The following RANBP2 variants were observed in gnomAD, a reference collection of about 807,000 sequenced individuals.
RANBP2 encodes E3 SUMO-protein ligase RanBP2.
A neutral mutation model predicts 303.6 loss-of-function variants in RANBP2; 57 were observed. That is an observed-to-expected ratio of 0.19 (90% CI 0.15 to 0.23). RANBP2 has a LOEUF of 0.23. RANBP2 is among the 10% of genes least tolerant of loss of function. The pLI, the probability that RANBP2 is intolerant of heterozygous loss-of-function variation, is 1.00. For synonymous variants in RANBP2, 1,167 were observed against 1,301.5 expected (o/e 0.90, Z 2.23); for missense variants, 3,138 against 3,780.8 (o/e 0.83, Z 4.46).
chr2:109,501,198 A>T, the RANBP2 span, among the ~76,000 whole-genome samples: 1 of 152,078 alleles, frequency 6.6e-6, no homozygotes, highest in Non-Finnish European at 1.5e-5. Flanking sequence ...CCAGGGCAGG[A>T]GCGTGGATAT....
chr2:109,301,947 C>G, the RANBP2 span, among the ~76,000 whole-genome samples: 1 of 152,226 alleles, frequency 6.6e-6, no homozygotes, highest in Admixed American at 6.5e-5. Context: ...CTCCTTCCCG[C>G]AGCCTCTCCT....
the RANBP2 span, among the ~76,000 whole-genome samples, chr2:109,014,729 C>T: frequency 6.6e-6 from 1 of 152,164 alleles, no homozygotes. Context: ...GCGTGCAGGG[C>T]GCAGAGCCAG....
chr2:109,192,754 A>G, the RANBP2 span, among the ~76,000 whole-genome samples: 2 of 152,248 alleles, frequency 1.3e-5, no homozygotes, highest in Non-Finnish European at 2.9e-5. Context: ...CTTCCAGTGC[A>G]GCCACCCATG....
chr2:108,764,080 A>G lies in RANBP2; in HGVS notation c.3541A>G (p.Lys1181Glu). The part of the protein sequence containing the change: ...HFEPVVPLPD[K>E]IEVKTGEEDE... Reference sequence around the variant, plus strand: ...TGAGCCTGTAGTACCTCTTCCTGATAAGATTGAAGTAAAAACTGGTGAGGA... The same window carrying G: ...TGAGCCTGTAGTACCTCTTCCTGATGAGATTGAAGTAAAAACTGGTGAGGA... The change falls in exon 20 of 29, where the codon AAG becomes GAG. Residue 1181 changes from lysine to glutamate, a missense_variant. Coordinates refer to ENST00000283195, the MANE Select transcript of RANBP2 (RefSeq NM_006267.5). 6.2e-7 allele frequency: 1 copy of G among 1,614,096 alleles called. No homozygotes were observed. The highest frequency in any genetic ancestry group is 8.5e-7 in the Non-Finnish European group (1 of 1,179,992).
At chr2:109,329,868 T>C in the RANBP2 span, among the ~76,000 whole-genome samples, 6 of 152,344 alleles carry the variant, frequency 3.9e-5, no homozygotes, top group East Asian at 1.9e-4. Context: ...ATAAAAGTTA[T>C]ATGAATGTGA....
the RANBP2 span, among the ~76,000 whole-genome samples, chr2:109,467,893 G>A: frequency 6.6e-6 from 1 of 152,178 alleles, no homozygotes; most frequent in African/African-American, 2.4e-5. Context: ...TCAGATGCCT[G>A]TAGCCAGCTG....
chr2:108,912,315 G>A, the RANBP2 span, among the ~76,000 whole-genome samples: 1 of 152,206 alleles, frequency 6.6e-6, no homozygotes, highest in Non-Finnish European at 1.5e-5. Context: ...TGGTCAGCAT[G>A]TTTATATGAA....
chr2:109,054,767 C>T, the RANBP2 span, among the ~76,000 whole-genome samples: 3 of 152,084 alleles, frequency 2.0e-5, no homozygotes, highest in Non-Finnish European at 4.4e-5. Context: ...CACCTCCACG[C>T]CAGTCAAGAC....
chr2:109,241,940 C>T, the RANBP2 span, among the ~76,000 whole-genome samples: 2 of 151,820 alleles, frequency 1.3e-5, no homozygotes, highest in Non-Finnish European at 2.9e-5. Context: ...ACCTGAGACA[C>T]GATGTTCCCC....
At chr2:109,694,290 C>T in the RANBP2 span, among the ~76,000 whole-genome samples, 1 of 152,142 alleles carries the variant, frequency 6.6e-6, no homozygotes, top group African/African-American at 2.4e-5. Flanking sequence ...GGCAGTGTGA[C>T]AGGTAAGCTT....
chr2:109,695,851 GC>G, the RANBP2 span, among the ~76,000 whole-genome samples: 1 of 152,068 alleles, frequency 6.6e-6, no homozygotes, highest in Non-Finnish European at 1.5e-5. Context: ...TTGTTGTTAG[GC>G]CACAGTTTTC....
At chr2:109,658,968 G>A in the RANBP2 span, among the ~76,000 whole-genome samples, 1 of 152,150 alleles carries the variant, frequency 6.6e-6, no homozygotes, top group Admixed American at 6.5e-5. Flanking sequence ...GGGAGTCTGA[G>A]GCATGAGAAT....
chr2:108,951,615 G>C, the RANBP2 span, among the ~76,000 whole-genome samples: 1 of 152,130 alleles, frequency 6.6e-6, no homozygotes, highest in African/African-American at 2.4e-5. Flanking sequence ...ATGGTTTACA[G>C]GGAAGGGCAC....
chr2:108,886,198 G>GCTGTTTA, the RANBP2 span, among the ~76,000 whole-genome samples: 71 of 152,196 alleles, frequency 4.7e-4, no homozygotes, highest in African/African-American at 1.6e-3. Flanking sequence ...TTCCATAGTG[G>GCTGTTTA]CTGTTTAAAT....
chr2:108,876,618 T>G, the RANBP2 span: 1 of 154,966 alleles, frequency 6.5e-6, no homozygotes, highest in Non-Finnish European at 1.4e-5. Flanking sequence ...TCCTAATATA[T>G]TAGAATCCTT....
the RANBP2 span, chr2:108,794,757 A>G: frequency 6.8e-6 from 10 of 1,475,104 alleles, no homozygotes; most frequent in Admixed American, 1.1e-4. Flanking sequence ...ATTCAGAAAT[A>G]TTTATGTTCT....
At chr2:108,990,070 C>T in the RANBP2 span, among the ~76,000 whole-genome samples, 37 of 151,066 alleles carry the variant, frequency 2.4e-4, no homozygotes, top group African/African-American at 9.0e-4. Context: ...CTGAGGCGGG[C>T]AGATCACTTG....
At chr2:109,238,379 T>C in the RANBP2 span, among the ~76,000 whole-genome samples, 2 of 152,160 alleles carry the variant, frequency 1.3e-5, no homozygotes, top group African/African-American at 4.8e-5. Flanking sequence ...GCATGACAGC[T>C]AGATTGTGGG....
chr2:109,077,901 A>T, the RANBP2 span, among the ~76,000 whole-genome samples: 7 of 148,644 alleles, frequency 4.7e-5, no homozygotes, highest in Admixed American at 4.7e-4. Context: ...CAGTATAGAG[A>T]TCCCTTAAAA....
Sources: allele counts gnomAD v4.1 joint callset (sites outside exome capture counted in the v4.1 genomes callset), GRCh38; gene constraint gnomAD v4.1.1; transcripts MANE v1.5; gene names NCBI Gene and HGNC (gene_info 2026-07-23, HGNC 2026-07-21).